The following CPXM2 variants were observed in gnomAD, a reference collection of about 807,000 sequenced individuals.
CPXM2 encodes the protein inactive carboxypeptidase-like protein X2.
Under a neutral mutation model 86.1 loss-of-function variants are expected in CPXM2, and 66 were observed. The ratio of observed to expected loss-of-function variants is 0.77; its 90% CI spans 0.63 to 0.94. The LOEUF is 0.94. CPXM2 is among the 40% of genes least tolerant of loss of function. The probability of loss-of-function intolerance (pLI) is 0.00; values close to 1 mark genes in which losing one functional copy is unlikely to be tolerated. For synonymous variants in CPXM2, 388 were observed against 400.2 expected (o/e 0.97, Z 0.36); for missense variants, 948 against 1,026.3 (o/e 0.92, Z 1.04).
intron 2 of CPXM2, among the ~76,000 whole-genome samples, chr10:123,879,000 G>A (rs551087932): frequency 6.6e-6 from 1 of 152,282 alleles, no homozygotes; most frequent in South Asian, 2.1e-4. Flanking sequence ...TGTGCACTGT[G>A]CAGAATGCGC....
At chr10:123,778,102 C>G (rs1038987336) in intron 7 of CPXM2, among the ~76,000 whole-genome samples, 1 of 152,184 alleles carries the variant, frequency 6.6e-6, no homozygotes, top group Non-Finnish European at 1.5e-5. Flanking sequence ...CTGTGCCTTG[C>G]AAGTCAGTGC....
At chr10:123,768,376 AAAAT>A (rs57827983) in intron 9 of CPXM2, 146 bp downstream of exon 9, 87,062 of 318,018 alleles carry the variant, frequency 0.27, 13,415 homozygotes, top group African/African-American at 0.32. Context: ...TCCGACTCAA[AAAAT>A]AAATAAATAA....
rs1464713173 is a variant in CPXM2 at position 123,746,765 on chromosome 10, C to T, written c.2270G>A (p.Ter757=). ...ACGAGTCTCAAGGGCCCAGGAGGGTCACCCACGCTGTCGTCTCTTCTGCCC... is the reference window on the plus strand; with the variant it reads ...ACGAGTCTCAAGGGCCCAGGAGGGTTACCCACGCTGTCGTCTCTTCTGCCC... The part of the protein sequence containing the change: ...LRGQKRRQRG[*] The change falls in exon 14 of 14, where the codon TGA becomes TAA. Residue 757 remains the stop codon, a stop_retained_variant. Coordinates refer to ENST00000241305, the MANE Select transcript of CPXM2 (RefSeq NM_198148.3). The T allele has an allele frequency of 6.2e-7, 1 of 1,613,974 alleles. No individual in the cohort carries two copies. Among genetic ancestry groups the T allele is most frequent in the Middle Eastern group, 1.7e-4 (1 of 6,028 alleles).
chr10:123,852,959 G>C (rs1848636001), intron 3 of CPXM2, among the ~76,000 whole-genome samples: 2 of 152,170 alleles, frequency 1.3e-5, no homozygotes, highest in Admixed American at 1.3e-4. Context: ...ATTTCCTGCT[G>C]ATGTAGTTTG....
At chr10:123,788,916 G>A (rs1460829352) in intron 6 of CPXM2, among the ~76,000 whole-genome samples, 1 of 147,514 alleles carries the variant, frequency 6.8e-6, no homozygotes, top group Non-Finnish European at 1.5e-5. Context: ...TGGCCCCAAA[G>A]TGCTCTCCGA....
In CPXM2 at chr10:123,840,461, A is replaced by G. The variant is rs541078443; in HGVS notation, c.653+1888T>C. ...AAGAAAAGAATTCAAATGAAGAAAA[A>G]GTATGAAAATGTTTTCTCACAATAT... On this transcript the variant is annotated intron_variant, in intron 4 of 13. Coordinates refer to ENST00000241305, the MANE Select transcript of CPXM2 (RefSeq NM_198148.3). Among the ~76,000 whole-genome samples the G allele has an allele frequency of 2.6e-4, 39 of 152,386 alleles. 1 individual carries two copies. The South Asian group carries it at 7.7e-3, about 30-fold the overall frequency.
intron 1 of CPXM2, among the ~76,000 whole-genome samples, chr10:123,884,995 G>A (rs1945158454): frequency 6.6e-6 from 1 of 152,214 alleles, no homozygotes; most frequent in South Asian, 2.1e-4. Context: ...GCAGCAGGTG[G>A]GTGTGTGCAG....
At position 123,780,171 on chromosome 10, in the gene CPXM2, C is replaced by A. The variant is rs754686014; in HGVS notation, c.974G>T (p.Arg325Leu). 6 of 1,594,484 alleles carry A rather than the reference C, an allele frequency of 3.8e-6. No individual in the cohort carries two copies. The African/African-American group carries it at 5.4e-5, about 14-fold the overall frequency. Residue 325 changes from arginine to leucine, a missense_variant, in exon 7 of 14, where the codon CGC (arginine) becomes CTC (leucine). Physicochemically the swap from Arg to Leu is moderately radical, Grantham distance 102 (BLOSUM62 -2). Coordinates refer to ENST00000241305, the MANE Select transcript of CPXM2 (RefSeq NM_198148.3). ...DFKHHNYKEM[R>L]QLMKVVNEMC... ...GCTTTGTGATCTGGGTCTTACCTGGCGCATTTCCTTATAATTGTGGTGCTT... is the reference window on the plus strand; with the variant it reads ...GCTTTGTGATCTGGGTCTTACCTGGAGCATTTCCTTATAATTGTGGTGCTT...
intron 3 of CPXM2, among the ~76,000 whole-genome samples, chr10:123,861,016 A>G (rs28623342): frequency 0.43 from 65,953 of 151,994 alleles, 14,711 homozygotes; most frequent in Admixed American, 0.51. Flanking sequence ...GGGTGGAGAA[A>G]GAGCAAAGCT....
At chr10:123,830,324 A>G (rs140613806) in intron 4 of CPXM2, among the ~76,000 whole-genome samples, 147 of 152,300 alleles carry the variant, frequency 9.7e-4, no homozygotes, top group African/African-American at 3.4e-3. Flanking sequence ...ACCATGCTGG[A>G]GTTTCACAGC....
chr10:123,875,184 G>A (rs570154757), intron 2 of CPXM2, among the ~76,000 whole-genome samples: 2 of 152,178 alleles, frequency 1.3e-5, no homozygotes, highest in South Asian at 4.1e-4. Context: ...ACATTGTAAA[G>A]GAATGCTATA....
At chr10:123,897,438 T>G (rs1240244722) in intron 2 of CPXM2, among the ~76,000 whole-genome samples, 1 of 152,176 alleles carries the variant, frequency 6.6e-6, no homozygotes, top group Non-Finnish European at 1.5e-5. Flanking sequence ...TCGAGTCAGT[T>G]GAACCCCCAA....
At chr10:123,932,083 G>C (rs967677424) in intron 2 of CPXM2, among the ~76,000 whole-genome samples, 2 of 152,176 alleles carry the variant, frequency 1.3e-5, no homozygotes, top group African/African-American at 4.8e-5. Flanking sequence ...AGGTACAGGT[G>C]AAACTGTACA....
chr10:123,891,726 A>T lies in CPXM2; in HGVS notation c.-67T>A. 8.1e-7 allele frequency: 1 copy of T among 1,229,684 alleles called. No homozygotes were observed. The highest frequency in any genetic ancestry group is 1.0e-6 in the Non-Finnish European group (1 of 962,920). The allele number at this position is 1,229,684 out of a possible 1,614,324, so 76.2% of individuals were successfully genotyped here. On this transcript the variant is annotated 5_prime_UTR_variant, in exon 1 of 14. Coordinates refer to ENST00000241305, the MANE Select transcript of CPXM2 (RefSeq NM_198148.3). The surrounding 1 kb of genome is among the most constrained non-coding windows in gnomAD (Gnocchi z 5.6). Reference sequence around the variant, plus strand: ...GGGGCGCCGGGCGGGCTGCGGGCGCAGAAGCTGGCGCGGGGCAAGGGCGCA... The same window carrying T: ...GGGGCGCCGGGCGGGCTGCGGGCGCTGAAGCTGGCGCGGGGCAAGGGCGCA...
chr10:123,751,598 G>T, intron 13 of CPXM2: 4 of 985,328 alleles, frequency 4.1e-6, no homozygotes, highest in Non-Finnish European at 4.8e-6. Context: ...GGTGAGCCGG[G>T]TGTCTGTCCA....
At chr10:123,846,293 T>C (rs941297241) in intron 3 of CPXM2, among the ~76,000 whole-genome samples, 1 of 152,262 alleles carries the variant, frequency 6.6e-6, no homozygotes, top group Admixed American at 6.5e-5. Flanking sequence ...CATTTTCATC[T>C]GGAGGTGATG....
intron 4 of CPXM2, among the ~76,000 whole-genome samples, chr10:123,818,668 C>T (rs561377264): frequency 2.0e-5 from 3 of 152,272 alleles, no homozygotes; most frequent in Non-Finnish European, 4.4e-5. Context: ...GCAGTGGGCT[C>T]CTGCTCATGG....
At position 123,874,528 on chromosome 10, in the gene CPXM2, TCTA is replaced by T. The variant is rs1944949303; in HGVS notation, c.403+5680_403+5682del. Among the ~76,000 whole-genome samples, 3 of 152,354 alleles carry T rather than the reference TCTA, an allele frequency of 2.0e-5. No homozygotes were observed. In the South Asian group the frequency reaches 6.2e-4, roughly 32 times the overall value. ...AATGTTTAATAAGCCAGGAAAGAAG[TCTA>T]CTTTCACCACAAGACCAACTTCTAC... On this transcript the variant is annotated intron_variant, in intron 2 of 13. Transcript: ENST00000241305.
At chr10:123,892,775 C>T (rs1279323952), upstream of CPXM2, among the ~76,000 whole-genome samples, 4 of 152,198 alleles carry the variant, frequency 2.6e-5, no homozygotes, top group Non-Finnish European at 5.9e-5. Context: ...AATTCAGCTC[C>T]TTGCGGTAGT....
Sources: allele counts gnomAD v4.1 joint callset (sites outside exome capture counted in the v4.1 genomes callset), GRCh38; gene constraint gnomAD v4.1.1; non-coding constraint Gnocchi (gnomAD v3.1); transcripts MANE v1.5; gene names NCBI Gene and HGNC (gene_info 2026-07-23, HGNC 2026-07-21).